NPRL3: variants seen among roughly 807,000 people sequenced by gnomAD.
NPRL3 encodes the protein GATOR1 complex protein NPRL3.
NPRL3 carries 23 observed loss-of-function variants against 57.2 expected under a neutral mutation model. The ratio of observed to expected loss-of-function variants is 0.40; its 90% CI spans 0.29 to 0.57. NPRL3 has a LOEUF of 0.57. Ranked by LOEUF, NPRL3 falls within the 20% of genes least tolerant of loss-of-function variation. The pLI is 0.42. For synonymous variants in NPRL3, 333 were observed against 321.1 expected, an observed-to-expected ratio of 1.04 and a Z score of -0.39; for missense variants, 691 against 767.1, an observed-to-expected ratio of 0.90 and a Z score of 1.17.
intron 9 of NPRL3, among the ~76,000 whole-genome samples, chr16:96,693 A>T (rs575309751): frequency 1.7e-4 from 26 of 150,532 alleles, no homozygotes; most frequent in African/African-American, 6.3e-4. Context: ...GCACACCTGT[A>T]GTCCCAGCTA....
intron 8 of NPRL3, among the ~76,000 whole-genome samples, chr16:99,953 C>CA (rs10657006): frequency 1.5e-5 from 2 of 133,028 alleles, no homozygotes; most frequent in African/African-American, 6.1e-5. Flanking sequence ...CACACACACA[C>CA]CCCCGCAAAA....
chr16:93,073 A>T, intron 10 of NPRL3, 146 bp downstream of exon 10: 1 of 661,210 alleles, frequency 1.5e-6, no homozygotes, highest in Non-Finnish European at 2.7e-6. Context: ...GCTAGTGGCC[A>T]GGAGTTAGGC....
intron 2 of NPRL3, among the ~76,000 whole-genome samples, chr16:131,139 A>C (rs1286663032): frequency 1.3e-5 from 2 of 152,244 alleles, no homozygotes; most frequent in Non-Finnish European, 2.9e-5. Context: ...GTTCGAAACC[A>C]GCCTGGCCAA....
chr16:111,489 C>T (rs139009536), intron 6 of NPRL3, among the ~76,000 whole-genome samples: 5,157 of 151,634 alleles, frequency 0.034, 132 homozygotes, highest in Middle Eastern at 0.062. Context: ...CACTCTGTCA[C>T]CCTTGCTGGA....
chr16:138,495 TGAGGAGGGCAGG>T, intron 1 of NPRL3, 135 bp downstream of exon 1: 1 of 4,778 alleles, frequency 2.1e-4, no homozygotes, highest in African/African-American at 1.4e-3. Context: ...GGAGGGGGCC[TGAGGAGGGCAGG>T]GGTGGAGGCG....
At chr16:130,643 A>G (rs1044151982) in intron 2 of NPRL3, 52 bp from the exon 3 acceptor site, 76 of 1,519,552 alleles carry the variant, frequency 5.0e-5, no homozygotes, top group Non-Finnish European at 6.5e-5. Flanking sequence ...GTCCTTCCAC[A>G]CACAGGAGGG....
rs1020920869 is a variant in NPRL3, at chr16:137,993, A to AT, written c.118+156dup. On this transcript the variant is annotated intron_variant, in intron 2 of 13. Transcript: ENST00000611875. Reference sequence around the variant, plus strand: ...GTGTGGTGAACAATGCATGATTTTAATTTTTTTTTTCCTTTTTCTACTTTT... The same window carrying AT: ...GTGTGGTGAACAATGCATGATTTTAATTTTTTTTTTTCCTTTTTCTACTTTT... 1.8e-4 allele frequency among the ~76,000 whole-genome samples: 27 copies of AT among 146,320 alleles called. No homozygotes were observed. In the East Asian group the frequency reaches 3.4e-3, roughly 18 times the overall value.
At chr16:116,886 A>G (rs960629522) in intron 5 of NPRL3, among the ~76,000 whole-genome samples, 2 of 148,354 alleles carry the variant, frequency 1.3e-5, no homozygotes, top group African/African-American at 5.0e-5. Context: ...GAGGCAGGAG[A>G]CTCACTTGAG....
chr16:100,460 C>A lies in NPRL3; in HGVS notation c.679G>T (p.Val227Leu). The A allele has an allele frequency of 6.2e-7, 1 of 1,605,290 alleles. No homozygotes were observed. Among genetic ancestry groups the A allele is most frequent in the South Asian group, 1.1e-5 (1 of 89,536 alleles). ...ATCTTGTGGGGCAGGCAGAAGCTCA[C>A]CTCCAGCCAGCTGTTGATGTGAAGC... is the stretch of plus-strand genomic sequence containing the variant. ...VRLHINSWLE[V>L]SFCLPHKIHY... Residue 227 changes from valine (V) to leucine (L), a missense_variant, in exon 8 of 14, where the codon GTG becomes TTG. Coordinates refer to ENST00000611875, the MANE Select transcript of NPRL3 (RefSeq NM_001077350.3).
intron 4 of NPRL3, among the ~76,000 whole-genome samples, chr16:117,791 GC>G (rs1300207949): frequency 6.6e-6 from 1 of 152,240 alleles, no homozygotes; most frequent in African/African-American, 2.4e-5. Context: ...CCTGAGCAGG[GC>G]CCAGGTGAGG....
intron 6 of NPRL3, among the ~76,000 whole-genome samples, chr16:111,893 T>A (rs1899831812): frequency 6.6e-6 from 1 of 152,208 alleles, no homozygotes; most frequent in Non-Finnish European, 1.5e-5. Flanking sequence ...TCTCTTTTGT[T>A]ATAGAGGTGC....
intron 7 of NPRL3, among the ~76,000 whole-genome samples, chr16:107,368 G>A (rs561697426): frequency 0.021 from 3 of 144 alleles, no homozygotes; most frequent in African/African-American, 0.11. Context: ...TCAACGAGCC[G>A]GGCACGGTGC....
rs1338978741 is a variant in NPRL3 at position 138,657 on chromosome 16, C to A, written c.-83G>T. 1 of 201,480 alleles carries A rather than the reference C, an allele frequency of 5.0e-6. No homozygotes were observed. Among genetic ancestry groups the A allele is most frequent in the African/African-American group, 2.4e-5 (1 of 42,450 alleles). 12.5% of individuals were successfully genotyped at this position (201,480 alleles called of 1,614,324 possible). On this transcript the variant is annotated 5_prime_UTR_variant, in exon 1 of 14. Transcript: ENST00000611875. ...AGTTACCAACCCACGTGCCACGCTC[C>A]GGGCTCGCGAGACTTCGGCGACACC...
intron 2 of NPRL3, among the ~76,000 whole-genome samples, chr16:134,707 T>TTTTTTTTTTA (rs1900980872): frequency 7.1e-6 from 1 of 141,266 alleles, no homozygotes; most frequent in African/African-American, 2.6e-5. Flanking sequence ...TTTTTTTTTT[T>TTTTTTTTTTA]TTTTTTTTTT....
chr16:88,626 C>G, intron 13 of NPRL3, 72 bp downstream of exon 13: 1 of 1,337,976 alleles, frequency 7.5e-7, no homozygotes, highest in Non-Finnish European at 1.0e-6. Flanking sequence ...GGTTCTGTTG[C>G]GTACGTCCCT....
At chr16:109,236 G>A (rs753117427) in intron 7 of NPRL3, among the ~76,000 whole-genome samples, 76 of 152,202 alleles carry the variant, frequency 5.0e-4, no homozygotes, top group Non-Finnish European at 9.4e-4. Context: ...CAAAGTGCTG[G>A]GATTACAGGC....
chr16:93,417 C>T, intron 9 of NPRL3, 92 bp from the exon 10 acceptor site: 4 of 802,196 alleles, frequency 5.0e-6, no homozygotes, highest in Middle Eastern at 3.0e-4. Flanking sequence ...CATGGCCTAC[C>T]AGCCTGGAGA....
chr16:103,295 G>GTTTTTTTTTTTTTTTTT (rs1331235205), intron 7 of NPRL3, among the ~76,000 whole-genome samples: 1 of 15,912 alleles, frequency 6.3e-5, no homozygotes. Context: ...CGCCTGGGGT[G>GTTTTTTTTTTTTTTTTT]ATTTTTTTTT....
intron 7 of NPRL3, among the ~76,000 whole-genome samples, chr16:105,541 C>T (rs974833909): frequency 2.0e-5 from 3 of 152,106 alleles, no homozygotes; most frequent in Non-Finnish European, 2.9e-5. Context: ...TCCATGGGAC[C>T]AACCCTGCTC....
Sources: allele counts gnomAD v4.1 joint callset (sites outside exome capture counted in the v4.1 genomes callset), GRCh38; gene constraint gnomAD v4.1.1; transcripts MANE v1.5; gene names NCBI Gene and HGNC (gene_info 2026-07-23, HGNC 2026-07-21).